The following ASB7 variants were observed in gnomAD, a reference collection of about 807,000 sequenced individuals.
ASB7 encodes the protein ankyrin repeat and SOCS box containing 7.
In ASB7, 4 loss-of-function variants were observed where a neutral mutation model predicts 32.5. The ratio of observed to expected loss-of-function variants is 0.12; its 90% CI spans 0.06 to 0.28. ASB7 has a LOEUF of 0.28. Among genes scored for constraint, ASB7 ranks in the 10% least tolerant of loss-of-function variants. ASB7 has a pLI of 1.00. For missense variants in ASB7, 181 were observed against 407.1 expected (o/e 0.44, Z 4.78); for synonymous variants, 172 against 155.6 (o/e 1.11, Z -0.78).
chr15:100,622,140 A>G lies in ASB7; in HGVS notation c.212-7297A>G, dbSNP rs546194641. ...ATACAAAAATCAGTAGCATTTCTAT[A>G]TACCAGTAATGAAACAGGCAAAAAA... On this transcript the variant is annotated intron_variant, in intron 4 of 5. Coordinates refer to ENST00000332783, the MANE Select transcript of ASB7 (RefSeq NM_198243.3). Among the ~76,000 whole-genome samples the G allele has an allele frequency of 2.6e-5, 4 of 152,276 alleles. No homozygotes were observed. The South Asian group carries it at 8.3e-4, about 32-fold the overall frequency.
At position 100,609,822 on chromosome 15, in the gene ASB7, C is replaced by A. The variant is rs1469549297; in HGVS notation, c.-58C>A. ...GTACATCAGGAGAAGGGACACTCTT[C>A]CATAAGGCAAGTTGCCTCAGGGTCA... On this transcript the variant is annotated 5_prime_UTR_variant, in exon 3 of 6. Transcript: ENST00000332783. 1.3e-5 allele frequency: 2 copies of A among 152,240 alleles called. No individual in the cohort carries two copies. The highest frequency in any genetic ancestry group is 2.9e-5 in the Non-Finnish European group (2 of 68,054). 9.4% of individuals were successfully genotyped at this position (152,240 alleles called of 1,614,324 possible). A position where few individuals can be genotyped will look rare whatever the true frequency, so the allele number is the denominator to read the frequency against.
At chr15:100,636,467 T>C (rs1160161655) in intron 5 of ASB7, among the ~76,000 whole-genome samples, 2 of 152,180 alleles carry the variant, frequency 1.3e-5, no homozygotes, top group African/African-American at 4.8e-5. Context: ...CTGTACATCA[T>C]CCCAAAGATC....
intron 5 of ASB7, among the ~76,000 whole-genome samples, chr15:100,647,922 T>C (rs976842308): frequency 6.6e-6 from 1 of 152,140 alleles, no homozygotes; most frequent in African/African-American, 2.4e-5. Flanking sequence ...AATGATTGGC[T>C]CACAGTGGCT....
intron 5 of ASB7, among the ~76,000 whole-genome samples, chr15:100,647,683 C>T (rs1394033303): frequency 1.3e-5 from 2 of 152,156 alleles, no homozygotes; most frequent in African/African-American, 2.4e-5. Context: ...TTCACACCCC[C>T]TTCTGCTGCA....
In ASB7 at chr15:100,602,902, A is replaced by G. The variant is rs1403095328; in HGVS notation, c.-417A>G. ...ACCTCCTGCCTTCTCGGCTGTTCGG[A>G]TGTTCGCCGGGCTGGGGCCGTGAGG... On this transcript the variant is annotated 5_prime_UTR_variant, in exon 1 of 6. An upstream start codon of the reference 5' UTR is lost. Coordinates refer to ENST00000332783, the MANE Select transcript of ASB7 (RefSeq NM_198243.3). 2.5e-6 allele frequency: 1 copy of G among 398,050 alleles called. No individual in the cohort carries two copies. Among genetic ancestry groups the G allele is most frequent in the Non-Finnish European group, 4.4e-6 (1 of 225,866 alleles). The allele number at this position is 398,050 out of a possible 1,614,324, so 24.7% of individuals were successfully genotyped here.
intron 2 of ASB7, among the ~76,000 whole-genome samples, chr15:100,606,308 G>A (rs547911197): frequency 3.3e-4 from 50 of 152,130 alleles, no homozygotes; most frequent in Non-Finnish European, 6.2e-4. Flanking sequence ...TGAGTAATAA[G>A]CCATTATCTT....
intron 4 of ASB7, among the ~76,000 whole-genome samples, chr15:100,624,102 AGTT>A (rs1292688564): frequency 6.6e-6 from 1 of 152,252 alleles, no homozygotes; most frequent in Non-Finnish European, 1.5e-5. Context: ...AGCTAAAAAA[AGTT>A]GGCCTCTCGA....
chr15:100,633,073 C>T (rs567672642), intron 5 of ASB7, among the ~76,000 whole-genome samples: 3 of 152,038 alleles, frequency 2.0e-5, no homozygotes, highest in Admixed American at 1.3e-4. Context: ...CTTCTCTGTG[C>T]CCAGGAATGA....
chr15:100,641,550 A>G (rs1158729643), intron 5 of ASB7, among the ~76,000 whole-genome samples: 1 of 152,220 alleles, frequency 6.6e-6, no homozygotes, highest in East Asian at 1.9e-4. Flanking sequence ...ATCTTTTTAT[A>G]CAGGTAAAAG....
chr15:100,644,140 C>T (rs769892791), intron 5 of ASB7, among the ~76,000 whole-genome samples: 1 of 151,908 alleles, frequency 6.6e-6, no homozygotes, highest in Non-Finnish European at 1.5e-5. Context: ...CCCAGCTACT[C>T]GGGAGGCTGA....
chr15:100,613,842 A>C (rs1238861988), intron 4 of ASB7, among the ~76,000 whole-genome samples: 1 of 152,198 alleles, frequency 6.6e-6, no homozygotes, highest in African/African-American at 2.4e-5. Context: ...TAAATTATAC[A>C]AATAAAGCCA....
chr15:100,613,586 G>T (rs1188309373), intron 4 of ASB7, among the ~76,000 whole-genome samples: 2 of 152,206 alleles, frequency 1.3e-5, no homozygotes, highest in Non-Finnish European at 2.9e-5. Context: ...TGATGAAAGG[G>T]AAATAGAAGT....
chr15:100,612,342 C>T lies in ASB7; in HGVS notation c.126C>T (p.Gly42=). ...TAGAACAAGGCTATTCCCCGAATGGCCGAGATGCGAATGGCTGGACTCTGC... is the reference window on the plus strand; with the variant it reads ...TAGAACAAGGCTATTCCCCGAATGGTCGAGATGCGAATGGCTGGACTCTGC... ...KMLEQGYSPN[G]RDANGWTLLH... The change falls in exon 4 of 6, where the codon GGC becomes GGT. Residue 42 remains glycine (G), a synonymous_variant. Coordinates refer to ENST00000332783, the MANE Select transcript of ASB7 (RefSeq NM_198243.3). 1.2e-6 allele frequency: 2 copies of T among 1,614,036 alleles called. No individual in the cohort carries two copies. Among genetic ancestry groups the T allele is most frequent in the Non-Finnish European group, 1.7e-6 (2 of 1,179,930 alleles).
intron 4 of ASB7, among the ~76,000 whole-genome samples, chr15:100,618,121 T>C (rs183407975): frequency 1.2e-3 from 178 of 152,206 alleles, no homozygotes; most frequent in African/African-American, 4.0e-3. Context: ...CTTTTTTATT[T>C]ATTTATTTAT....
At chr15:100,606,757 C>G (rs548179527) in intron 2 of ASB7, among the ~76,000 whole-genome samples, 1 of 151,552 alleles carries the variant, frequency 6.6e-6, no homozygotes, top group Non-Finnish European at 1.5e-5. Flanking sequence ...CTTTTTTTTT[C>G]CTTGTGACTG....
chr15:100,606,738 G>A (rs143696252), intron 2 of ASB7, among the ~76,000 whole-genome samples: 2 of 152,092 alleles, frequency 1.3e-5, no homozygotes, highest in Non-Finnish European at 2.9e-5. Context: ...AGTCTTCCTT[G>A]TTTGTTTGCT....
intron 4 of ASB7, among the ~76,000 whole-genome samples, chr15:100,618,633 G>GTGTA (rs2039765614): frequency 6.6e-6 from 1 of 151,782 alleles, no homozygotes; most frequent in Non-Finnish European, 1.5e-5. Flanking sequence ...GTGTGTGTGT[G>GTGTA]TGTGTGTGTG....
chr15:100,637,058 T>G (rs1597010439), intron 5 of ASB7, among the ~76,000 whole-genome samples: 1 of 152,354 alleles, frequency 6.6e-6, no homozygotes, highest in Admixed American at 6.5e-5. Flanking sequence ...GATGAGGCGG[T>G]AAAATTAATT....
At chr15:100,605,702 A>G (rs1216626321) in intron 2 of ASB7, among the ~76,000 whole-genome samples, 4 of 152,188 alleles carry the variant, frequency 2.6e-5, no homozygotes, top group Non-Finnish European at 4.4e-5. Context: ...CCTTTCTTGC[A>G]AACTTTCTAG....
Sources: allele counts gnomAD v4.1 joint callset (sites outside exome capture counted in the v4.1 genomes callset), GRCh38; gene constraint gnomAD v4.1.1; transcripts MANE v1.5; gene names NCBI Gene and HGNC (gene_info 2026-07-23, HGNC 2026-07-21).